Variants in FNIP1 observed in about 807,000 individuals in gnomAD.
FNIP1 encodes the protein folliculin-interacting protein 1.
A neutral mutation model predicts 124.5 loss-of-function variants in FNIP1; 40 were observed. That is an observed-to-expected ratio of 0.32 (90% confidence interval 0.25 to 0.42). FNIP1 has a LOEUF of 0.42. Ranked by LOEUF, FNIP1 falls within the 10% of genes least tolerant of loss-of-function variation. The pLI is 1.00. For missense variants in FNIP1, 1,176 were observed against 1,403.7 expected (o/e 0.84, Z 2.59); for synonymous variants, 472 against 470.6 (o/e 1.00, Z -0.04).
At chr5:131,690,055 C>T (rs1201690134) in intron 11 of FNIP1, among the ~76,000 whole-genome samples, 1 of 151,862 alleles carries the variant, frequency 6.6e-6, no homozygotes, top group Non-Finnish European at 1.5e-5. Flanking sequence ...CCCATCTCTA[C>T]TAAAAATACA....
At chr5:131,747,597 G>T (rs534705567) in intron 1 of FNIP1, among the ~76,000 whole-genome samples, 1 of 152,024 alleles carries the variant, frequency 6.6e-6, no homozygotes, top group African/African-American at 2.4e-5. Context: ...TTTTAGAAAA[G>T]AAAAAGAACT....
intron 1 of FNIP1, among the ~76,000 whole-genome samples, chr5:131,778,626 C>T (rs1771891458): frequency 8.5e-6 from 1 of 118,230 alleles, no homozygotes; most frequent in Non-Finnish European, 1.7e-5. Flanking sequence ...TACCATTTGA[C>T]CCAGCCATCC....
intron 1 of FNIP1, among the ~76,000 whole-genome samples, chr5:131,749,233 C>G (rs10040680): frequency 0.075 from 11,330 of 151,998 alleles, 870 homozygotes; most frequent in African/African-American, 0.2. Context: ...CCTAAGTATA[C>G]AGTGCTTATT....
intron 11 of FNIP1, among the ~76,000 whole-genome samples, chr5:131,685,985 G>A (rs1044715022): frequency 1.6e-4 from 25 of 152,302 alleles, no homozygotes; most frequent in African/African-American, 5.5e-4. Flanking sequence ...TATGTAAAGA[G>A]CACAGGCACT....
intron 10 of FNIP1, among the ~76,000 whole-genome samples, chr5:131,701,185 G>A (rs1561662838): frequency 6.6e-6 from 1 of 152,134 alleles, no homozygotes; most frequent in Non-Finnish European, 1.5e-5. Context: ...ACACTCTTAT[G>A]AGAATCTAAT....
intron 1 of FNIP1, among the ~76,000 whole-genome samples, chr5:131,766,132 C>A (rs192528870): frequency 6.7e-6 from 1 of 150,366 alleles, no homozygotes; most frequent in Non-Finnish European, 1.5e-5. Flanking sequence ...TTTTGAGACA[C>A]GGTCTCACTC....
In FNIP1 at chr5:131,671,848, T is replaced by C. The variant is rs754768278; in HGVS notation, c.2596A>G (p.Met866Val). ...TSTDSKDHCCMLEFSKILCTK... is the reference protein window; with the variant it reads ...TSTDSKDHCCVLEFSKILCTK... ...CACAATATTTTTGAAAACTCTAACA[T>C]ACAGCAATGGTCTTTACTATCTGTA... is the stretch of plus-strand genomic sequence containing the variant. The change falls in exon 14 of 18, where the codon ATG (methionine) becomes GTG (valine). Residue 866 changes from methionine (M) to valine (V), a missense_variant. Around this residue, in one of 2 missense-constraint regions of FNIP1, gnomAD observed 1,109 missense variants for 1,288.5 expected, o/e 0.86. Coordinates refer to ENST00000510461, the MANE Select transcript of FNIP1 (RefSeq NM_133372.3). 6.2e-6 allele frequency: 10 copies of C among 1,613,960 alleles called. No individual in the cohort carries two copies. The African/African-American group carries it at 1.2e-4, about 19-fold the overall frequency.
chr5:131,754,013 C>T (rs1023353163), intron 1 of FNIP1, among the ~76,000 whole-genome samples: 6 of 152,156 alleles, frequency 3.9e-5, no homozygotes, highest in African/African-American at 1.4e-4. Context: ...AGGGTTTCAC[C>T]ATGTTGGCCA....
chr5:131,771,510 A>G (rs1431942808), intron 1 of FNIP1, among the ~76,000 whole-genome samples: 2 of 152,226 alleles, frequency 1.3e-5, no homozygotes, highest in African/African-American at 2.4e-5. Context: ...ACATGTTCCA[A>G]AACAGGAAAA....
At chr5:131,784,094 T>C (rs1772084669) in intron 1 of FNIP1, among the ~76,000 whole-genome samples, 1 of 151,310 alleles carries the variant, frequency 6.6e-6, no homozygotes, top group African/African-American at 2.4e-5. Context: ...CTAGGGAGCA[T>C]ACCTACAGGG....
chr5:131,700,283 A>G (rs1768856379), intron 10 of FNIP1, among the ~76,000 whole-genome samples: 1 of 152,152 alleles, frequency 6.6e-6, no homozygotes, highest in African/African-American at 2.4e-5. Flanking sequence ...TGCCTGGCCA[A>G]TATTTGCTTT....
chr5:131,677,430 A>C (rs1208442338), intron 13 of FNIP1, among the ~76,000 whole-genome samples: 1 of 152,190 alleles, frequency 6.6e-6, no homozygotes, highest in African/African-American at 2.4e-5. Flanking sequence ...AAAGTACAAA[A>C]TCATAAAACA....
At chr5:131,793,500 C>T (rs1341411437) in intron 1 of FNIP1, among the ~76,000 whole-genome samples, 1 of 152,126 alleles carries the variant, frequency 6.6e-6, no homozygotes, top group Non-Finnish European at 1.5e-5. Flanking sequence ...CTATAAATGA[C>T]TGAAAAAATA....
chr5:131,738,342 A>AT, intron 2 of FNIP1, among the ~76,000 whole-genome samples: 1 of 152,182 alleles, frequency 6.6e-6, no homozygotes, highest in East Asian at 1.9e-4. Context: ...AACACTTGGC[A>AT]TTTTAAATTG....
chr5:131,693,351 T>C (rs1449017352), intron 11 of FNIP1, among the ~76,000 whole-genome samples: 3 of 133,628 alleles, frequency 2.2e-5, no homozygotes, highest in Non-Finnish European at 3.1e-5. Context: ...TATATATATA[T>C]ATATATATAT....
At chr5:131,709,112 A>C in intron 8 of FNIP1, 89 bp downstream of exon 8, 17 of 1,001,488 alleles carry the variant, frequency 1.7e-5, no homozygotes, top group Non-Finnish European at 2.5e-5. Flanking sequence ...ATCAATATGA[A>C]CAAATTTGAT....
chr5:131,760,303 G>T (rs1771184209), intron 1 of FNIP1, among the ~76,000 whole-genome samples: 1 of 151,580 alleles, frequency 6.6e-6, no homozygotes. Flanking sequence ...GAATATAAGT[G>T]AAAAAAAAGT....
chr5:131,726,864 CT>C (rs1392708543), intron 3 of FNIP1, among the ~76,000 whole-genome samples: 1 of 151,732 alleles, frequency 6.6e-6, no homozygotes, highest in Non-Finnish European at 1.5e-5. Flanking sequence ...TATGGTGTGT[CT>C]TTGTTCAAAC....
At chr5:131,769,442 ACATTAG>A (rs1482719859) in intron 1 of FNIP1, among the ~76,000 whole-genome samples, 1 of 152,208 alleles carries the variant, frequency 6.6e-6, no homozygotes, top group African/African-American at 2.4e-5. Flanking sequence ...GTTAAGCTCT[ACATTAG>A]TGGCATCCTA....
Sources: allele counts gnomAD v4.1 joint callset (sites outside exome capture counted in the v4.1 genomes callset), GRCh38; gene constraint gnomAD v4.1.1; regional missense constraint gnomAD v4.1.1; transcripts MANE v1.5; gene names NCBI Gene and HGNC (gene_info 2026-07-23, HGNC 2026-07-21).